Variants in PCM1 observed in about 807,000 individuals in gnomAD.
PCM1 encodes the protein pericentriolar material 1 protein.
A neutral mutation model predicts 241.9 loss-of-function variants in PCM1; 157 were observed. The ratio of observed to expected loss-of-function variants is 0.65; its 90% CI spans 0.57 to 0.74. The LOEUF is 0.74. Among genes scored for constraint, PCM1 ranks in the 30% least tolerant of loss-of-function variants. The probability of loss-of-function intolerance (pLI) is 0.00; values close to 1 mark genes in which losing one functional copy is unlikely to be tolerated. For missense variants in PCM1, 3,478 were observed against 2,360.1 expected (o/e 1.47, Z -9.81); for synonymous variants, 1,085 against 784.9 (o/e 1.38, Z -6.39).
At chr8:17,975,258 G>T (rs1215134069) in intron 23 of PCM1, among the ~76,000 whole-genome samples, 1 of 152,030 alleles carries the variant, frequency 6.6e-6, no homozygotes, top group Non-Finnish European at 1.5e-5. Flanking sequence ...CCACCTCCCG[G>T]GTTCAAACAA....
intron 29 of PCM1, among the ~76,000 whole-genome samples, 181 bp downstream of exon 29, chr8:17,993,800 T>G (rs767151924): frequency 2.6e-5 from 4 of 152,210 alleles, no homozygotes; most frequent in Non-Finnish European, 4.4e-5. Flanking sequence ...TATACACATG[T>G]GCATATTCTG....
chr8:17,973,575 C>T (rs757744681), intron 23 of PCM1, among the ~76,000 whole-genome samples: 4 of 151,830 alleles, frequency 2.6e-5, no homozygotes, highest in Non-Finnish European at 5.9e-5. Flanking sequence ...AAAAATTAGC[C>T]GGGCATGGTG....
chr8:18,005,481 G>T (rs1309951885), intron 29 of PCM1, among the ~76,000 whole-genome samples: 1 of 151,530 alleles, frequency 6.6e-6, no homozygotes, highest in Non-Finnish European at 1.5e-5. Flanking sequence ...TTGGTGGGGG[G>T]GACTGAACTG....
chr8:17,960,332 C>G lies in PCM1; in HGVS notation c.2210C>G (p.Ala737Gly). 6.3e-7 allele frequency: 1 copy of G among 1,593,058 alleles called. No individual in the cohort carries two copies. The highest frequency in any genetic ancestry group is 8.5e-7 in the Non-Finnish European group (1 of 1,174,464). ...NEKAREKFYE[A>G]KLQQQQRELK... ...AATTGTAGAGAGAAATTTTATGAGG[C>G]TAAACTACAGCAGCAACAGAGAGAG... The change falls in exon 15 of 39, where the codon GCT becomes GGT. Residue 737 changes from alanine (A) to glycine (G), a missense_variant. Coordinates refer to ENST00000325083, the MANE Select transcript of PCM1 (RefSeq NM_006197.4).
At chr8:18,007,683 A>G (rs2091709847) in intron 30 of PCM1, among the ~76,000 whole-genome samples, 1 of 152,206 alleles carries the variant, frequency 6.6e-6, no homozygotes, top group African/African-American at 2.4e-5. Flanking sequence ...AATTTACGTT[A>G]AATATTGCCC....
chr8:17,947,247 T>A lies in PCM1; in HGVS notation c.845T>A (p.Leu282Ter). ...GAAAATTTGAAGAAACAACATGATTTATTAAAAAGAATGTTACAACAGCAG... is the reference window on the plus strand; with the variant it reads ...GAAAATTTGAAGAAACAACATGATTAATTAAAAAGAATGTTACAACAGCAG... ...EIENLKKQHD[L>*]LKRMLQQQEQ... is the part of the protein sequence containing the mutation. Residue 282 changes from leucine (L) to a stop codon, truncating the protein, a stop_gained, in exon 7 of 39, where the codon TTA becomes TAA. Transcript: ENST00000325083. LOFTEE classifies it high-confidence loss of function. 1.2e-6 allele frequency: 2 copies of A among 1,611,320 alleles called. No individual in the cohort carries two copies. Among genetic ancestry groups the A allele is most frequent in the Non-Finnish European group, 1.7e-6 (2 of 1,177,774 alleles).
intron 7 of PCM1, among the ~76,000 whole-genome samples, chr8:17,948,043 G>A (rs1192047574): frequency 6.6e-6 from 1 of 152,062 alleles, no homozygotes; most frequent in East Asian, 1.9e-4. Context: ...AAGATGATTA[G>A]TTATTAAAAG....
chr8:18,011,502 C>G (rs941195278), intron 33 of PCM1, 136 bp downstream of exon 33: 12 of 1,049,040 alleles, frequency 1.1e-5, no homozygotes, highest in Middle Eastern at 3.1e-4. Context: ...GTGACCCTGA[C>G]TAAATTATCT....
chr8:17,946,354 A>G (rs748358733), intron 6 of PCM1, among the ~76,000 whole-genome samples: 13 of 152,218 alleles, frequency 8.5e-5, no homozygotes, highest in Non-Finnish European at 2.9e-5. Flanking sequence ...ATATGATGTG[A>G]TTAAATGAAA....
chr8:17,991,521 A>G, intron 27 of PCM1, 21 bp from the exon 28 acceptor site: 1 of 1,557,270 alleles, frequency 6.4e-7, no homozygotes, highest in Non-Finnish European at 8.7e-7. Context: ...TACTCAAAAA[A>G]TATTTTTGTT....
intron 1 of PCM1, among the ~76,000 whole-genome samples, chr8:17,924,095 C>T (rs1274848973): frequency 6.6e-6 from 1 of 151,884 alleles, no homozygotes; most frequent in Non-Finnish European, 1.5e-5. Context: ...TTTCTGGGCG[C>T]CCCTACCACC....
intron 4 of PCM1, 143 bp downstream of exon 4, chr8:17,937,522 C>T (rs1033883979): frequency 7.4e-6 from 5 of 676,628 alleles, no homozygotes; most frequent in African/African-American, 1.9e-5. Flanking sequence ...GAATTTTAAT[C>T]ACTGGGGATG....
At chr8:17,989,786 T>A (rs571686666) in intron 26 of PCM1, 73 bp from the exon 27 acceptor site, 1 of 1,023,426 alleles carries the variant, frequency 9.8e-7, no homozygotes, top group East Asian at 2.6e-5. Flanking sequence ...AAATACTTAG[T>A]TATCTCTGTT....
intron 27 of PCM1, among the ~76,000 whole-genome samples, chr8:17,991,295 T>A (rs879625176): frequency 1.6e-4 from 24 of 152,278 alleles, no homozygotes; most frequent in African/African-American, 5.5e-4. Context: ...GAACTGTCTG[T>A]GAAAGCTTGA....
At chr8:18,001,746 T>G (rs951499612) in intron 29 of PCM1, among the ~76,000 whole-genome samples, 10 of 152,176 alleles carry the variant, frequency 6.6e-5, no homozygotes, top group African/African-American at 2.4e-4. Flanking sequence ...TTGCTTCCAT[T>G]GTGCTCATAT....
chr8:17,999,249 G>T (rs1055715442), intron 29 of PCM1, among the ~76,000 whole-genome samples: 1 of 152,014 alleles, frequency 6.6e-6, no homozygotes, highest in East Asian at 1.9e-4. Flanking sequence ...CTCAGTATAC[G>T]TTGGATCTCA....
chr8:17,973,173 C>T (rs1013972903), intron 23 of PCM1, among the ~76,000 whole-genome samples: 2 of 152,128 alleles, frequency 1.3e-5, no homozygotes, highest in Middle Eastern at 6.3e-3. Flanking sequence ...ATATTTTACT[C>T]AGTCTTGCCA....
In PCM1 at chr8:17,956,568, G is replaced by A. The variant is rs1465132190; in HGVS notation, c.1473-36G>A. ...ATGTCTGTATTATTTTGCTAAAATG[G>A]GTGTAAATCGTATACATAAATTTTT... is the stretch of plus-strand genomic sequence containing the variant. On this transcript the variant is annotated intron_variant, in intron 10 of 38. Transcript: ENST00000325083. The A allele has an allele frequency of 4.6e-6, 6 of 1,309,902 alleles. No homozygotes were observed. In the Admixed American group the frequency reaches 6.5e-5, roughly 14 times the overall value. 81.1% of individuals were successfully genotyped at this position (1,309,902 alleles called of 1,614,324 possible).
In PCM1 at chr8:17,966,986, A is replaced by G. The variant is rs1254778102; in HGVS notation, c.3228A>G (p.Lys1076=). 1.2e-6 allele frequency: 2 copies of G among 1,601,574 alleles called. No homozygotes were observed. The highest frequency in any genetic ancestry group is 2.3e-5 in the South Asian group (2 of 88,632). The stretch of plus-strand genomic sequence containing the variant: ...CTGACTTAAATCTTTGTAGGTTGAA[A>G]CAAATGCTAAATGAACTTATGCGCC... ...TWQQNNVQRL[K]QMLNELMRQQ... is the part of the protein sequence containing the mutation. Residue 1076 remains lysine, a synonymous_variant, in exon 21 of 39, where the codon AAA becomes AAG. Transcript: ENST00000325083.
Sources: allele counts gnomAD v4.1 joint callset (sites outside exome capture counted in the v4.1 genomes callset), GRCh38; gene constraint gnomAD v4.1.1; transcripts MANE v1.5; gene names NCBI Gene and HGNC (gene_info 2026-07-23, HGNC 2026-07-21).